Variants in PPM1G observed in about 807,000 individuals in gnomAD.
PPM1G encodes protein phosphatase 1G.
Under a neutral mutation model 59.4 loss-of-function variants are expected in PPM1G, and 12 were observed. That is an observed-to-expected ratio of 0.20 (90% CI 0.13 to 0.33). The LOEUF (loss-of-function observed/expected upper bound fraction) is 0.33, where lower values mean the gene tolerates loss of function less well. PPM1G is among the 10% of genes least tolerant of loss of function. The pLI is 1.00. For synonymous variants in PPM1G, 245 were observed against 251.9 expected (o/e 0.97, Z 0.26); for missense variants, 392 against 681.3 (o/e 0.58, Z 4.73).
chr2:27,390,034 C>CTTTT (rs34597229), intron 1 of PPM1G, among the ~76,000 whole-genome samples: 3 of 148,964 alleles, frequency 2.0e-5, no homozygotes, highest in Non-Finnish European at 4.5e-5. Context: ...ATCTTGTTTT[C>CTTTT]TTTTTTTTTT....
intron 1 of PPM1G, among the ~76,000 whole-genome samples, chr2:27,406,531 C>T (rs747079341): frequency 1.3e-5 from 2 of 152,120 alleles, no homozygotes; most frequent in Non-Finnish European, 2.9e-5. Context: ...GATTTTAATA[C>T]CCTAAGCAGT....
At chr2:27,399,771 A>G (rs1177939633) in intron 1 of PPM1G, among the ~76,000 whole-genome samples, 2 of 152,198 alleles carry the variant, frequency 1.3e-5, no homozygotes, top group African/African-American at 4.8e-5. Flanking sequence ...ATCCTCATAT[A>G]TTGCTGGCAG....
Position 27,382,263 on chromosome 2 carries a change from C to T in PPM1G, c.1332-35G>A, listed in dbSNP as rs779913334. The T allele has an allele frequency of 3.1e-6, 5 of 1,602,746 alleles. No individual in the cohort carries two copies. Among genetic ancestry groups the T allele is most frequent in the Non-Finnish European group, 4.3e-6 (5 of 1,169,836 alleles). On this transcript the variant is annotated intron_variant, in intron 8 of 9. Coordinates refer to ENST00000344034, the MANE Select transcript of PPM1G (RefSeq NM_177983.3). The surrounding 1 kb of genome is among the most constrained non-coding windows in gnomAD (Gnocchi z 4.2). ...AGAACAACAGTCAGAATCTTCCAGTCTCACTAAGGCAGCGTAGAGGAGTAT... is the reference window on the plus strand; with the variant it reads ...AGAACAACAGTCAGAATCTTCCAGTTTCACTAAGGCAGCGTAGAGGAGTAT...
intron 1 of PPM1G, among the ~76,000 whole-genome samples, chr2:27,398,918 G>T (rs765241757): frequency 4.6e-5 from 7 of 152,104 alleles, no homozygotes; most frequent in Non-Finnish European, 8.8e-5. Flanking sequence ...GCTGAGGCAG[G>T]CAGATCACCT....
Position 27,383,037 on chromosome 2 carries a change from T to C in PPM1G, c.1201+329A>G, listed in dbSNP as rs568828824. On this transcript the variant is annotated intron_variant, in intron 7 of 9. Transcript: ENST00000344034. The surrounding 1 kb of genome is among the most constrained non-coding windows in gnomAD (Gnocchi z 5.0). ...TTTTAGTAGAGATGGGGTTTCACCA[T>C]GTTGGCCAGGCTGGCCTCGAACTCC... 9.2e-4 allele frequency among the ~76,000 whole-genome samples: 140 copies of C among 151,912 alleles called. No homozygotes were observed. The highest frequency in any genetic ancestry group is 3.4e-3 in the African/African-American group (139 of 41,444).
At position 27,385,793 on chromosome 2, in the gene PPM1G, G is replaced by A; in HGVS notation, c.363C>T (p.Pro121=). 1 of 1,614,014 alleles carries A rather than the reference G, an allele frequency of 6.2e-7. No homozygotes were observed. Among genetic ancestry groups the A allele is most frequent in the Non-Finnish European group, 8.5e-7 (1 of 1,180,004 alleles). ...TTTCTTTTTCATCTTCATCCTCAGT[G>A]GGTCGCCCTGCAATCTGTGCCAGCT... The part of the protein sequence containing the change: ...IKELAQIAGR[P]TEDEDEKEKV... Residue 121 remains proline (P), a synonymous_variant, in exon 4 of 10, where the codon CCC becomes CCT. Coordinates refer to ENST00000344034, the MANE Select transcript of PPM1G (RefSeq NM_177983.3). This position sits in a 1 kb window ranked among gnomAD's most constrained non-coding sequence, Gnocchi z 4.1.
At chr2:27,393,513 C>A in intron 1 of PPM1G, 1 of 703,872 alleles carries the variant, frequency 1.4e-6, no homozygotes, top group East Asian at 2.7e-5. Context: ...GCAGGACGAG[C>A]GCCGGGTTCC....
At chr2:27,386,440 G>A in intron 2 of PPM1G, 161 bp from the exon 3 acceptor site, 3 of 491,374 alleles carry the variant, frequency 6.1e-6, no homozygotes, top group South Asian at 3.3e-5. Flanking sequence ...GGGAAGTTCT[G>A]ATCCAAAAAA....
At chr2:27,395,895 TAAC>T (rs1558320085) in intron 1 of PPM1G, among the ~76,000 whole-genome samples, 2 of 146,192 alleles carry the variant, frequency 1.4e-5, no homozygotes, top group African/African-American at 5.1e-5. Context: ...AAACAGATAA[TAAC>T]AACTGCTAGC....
At position 27,382,978 on chromosome 2, in the gene PPM1G, A is replaced by AC. The variant is rs1294072373; in HGVS notation, c.1202-374dup. ...GTAGCTGGGATTACAGGCTTGCACT[A>AC]CCATGCCCAGCTAATTTTTGTATTT... On this transcript the variant is annotated intron_variant, in intron 7 of 9. Transcript: ENST00000344034. The surrounding 1 kb of genome is among the most constrained non-coding windows in gnomAD (Gnocchi z 4.2). 6.6e-6 allele frequency among the ~76,000 whole-genome samples: 1 copy of AC among 150,834 alleles called. No homozygotes were observed. The highest frequency in any genetic ancestry group is 2.4e-5 in the African/African-American group (1 of 41,100).
In PPM1G at chr2:27,385,139, T is replaced by G; in HGVS notation, c.410-51A>C. On this transcript the variant is annotated intron_variant, in intron 4 of 9. Coordinates refer to ENST00000344034, the MANE Select transcript of PPM1G (RefSeq NM_177983.3). The surrounding 1 kb of genome is among the most constrained non-coding windows in gnomAD (Gnocchi z 4.1). ...CCCCCATGCCAGACTCCTCATGGGATCCGTCCCTCTCACTACCTCAACAGC... is the reference window on the plus strand; with the variant it reads ...CCCCCATGCCAGACTCCTCATGGGAGCCGTCCCTCTCACTACCTCAACAGC... 1 of 1,513,506 alleles carries G rather than the reference T, an allele frequency of 6.6e-7. No homozygotes were observed. Among genetic ancestry groups the G allele is most frequent in the Non-Finnish European group, 8.8e-7 (1 of 1,136,508 alleles). 93.8% of individuals were successfully genotyped at this position (1,513,506 alleles called of 1,614,324 possible).
chr2:27,391,884 G>A (rs1488383024), intron 1 of PPM1G, among the ~76,000 whole-genome samples: 4 of 151,374 alleles, frequency 2.6e-5, no homozygotes, highest in South Asian at 4.2e-4. Flanking sequence ...GGCACGCGCC[G>A]CCACGCCCAG....
At position 27,409,484 on chromosome 2, in the gene PPM1G, A is replaced by C. The variant is rs1427495193; in HGVS notation, c.-62T>G. 1.1e-5 allele frequency: 16 copies of C among 1,411,012 alleles called. No individual in the cohort carries two copies. Among genetic ancestry groups the C allele is most frequent in the Non-Finnish European group, 1.5e-5 (16 of 1,086,766 alleles). 87.4% of individuals were successfully genotyped at this position (1,411,012 alleles called of 1,614,324 possible). ...CTGGGCGCGACCCGTGCCGGAGCCG[A>C]AGCCCCGGGGGTGCGCGCGGCAGGA... On this transcript the variant is annotated 5_prime_UTR_variant, in exon 1 of 10. Coordinates refer to ENST00000344034, the MANE Select transcript of PPM1G (RefSeq NM_177983.3).
chr2:27,385,791 G>T lies in PPM1G; in HGVS notation c.365C>A (p.Thr122Asn). 6.2e-7 allele frequency: 1 copy of T among 1,614,022 alleles called. No homozygotes were observed. Among genetic ancestry groups the T allele is most frequent in the Non-Finnish European group, 8.5e-7 (1 of 1,180,004 alleles). Residue 122 changes from threonine to asparagine, a missense_variant, in exon 4 of 10, where the codon ACT becomes AAT. This residue lies in a region of PPM1G where 188 missense variants were observed against 248.8 expected (regional missense o/e 0.76). Transcript: ENST00000344034. The surrounding 1 kb of genome is among the most constrained non-coding windows in gnomAD (Gnocchi z 4.1). Reference sequence around the variant, plus strand: ...TTTTTCTTTTTCATCTTCATCCTCAGTGGGTCGCCCTGCAATCTGTGCCAG... The same window carrying T: ...TTTTTCTTTTTCATCTTCATCCTCATTGGGTCGCCCTGCAATCTGTGCCAG... ...KELAQIAGRP[T>N]EDEDEKEKVA...
rs1304441339 is a variant in PPM1G, at chr2:27,385,697, A to G, written c.409+50T>C. The G allele has an allele frequency of 1.5e-5, 24 of 1,585,444 alleles. No homozygotes were observed. The highest frequency in any genetic ancestry group is 2.0e-5 in the Non-Finnish European group (23 of 1,168,858). On this transcript the variant is annotated intron_variant, in intron 4 of 9. Coordinates refer to ENST00000344034, the MANE Select transcript of PPM1G (RefSeq NM_177983.3). This position sits in a 1 kb window ranked among gnomAD's most constrained non-coding sequence, Gnocchi z 4.1. ...TAGAATTGATAAGTAATATTAAAGA[A>G]TATTTCTTAAAATGCTGATTTCCCC...
chr2:27,404,939 G>A (rs1341009358), intron 1 of PPM1G, among the ~76,000 whole-genome samples: 5 of 131,354 alleles, frequency 3.8e-5, no homozygotes, highest in Non-Finnish European at 6.3e-5. Context: ...GCAAGACTCC[G>A]TCTCGGAGAA....
At chr2:27,387,560 G>T (rs1683798898) in intron 1 of PPM1G, among the ~76,000 whole-genome samples, 1 of 152,086 alleles carries the variant, frequency 6.6e-6, no homozygotes, top group African/African-American at 2.4e-5. Flanking sequence ...GAGTGCAGTG[G>T]CGCGATCTTG....
intron 1 of PPM1G, among the ~76,000 whole-genome samples, chr2:27,393,964 G>A (rs1016371471): frequency 1.3e-5 from 2 of 152,004 alleles, no homozygotes; most frequent in Non-Finnish European, 2.9e-5. Context: ...GGGTTTCACC[G>A]TGTTAGCCAG....
intron 1 of PPM1G, among the ~76,000 whole-genome samples, chr2:27,387,939 C>T (rs1683808679): frequency 6.6e-6 from 1 of 151,998 alleles, no homozygotes; most frequent in African/African-American, 2.4e-5. Context: ...GCTGGGACTA[C>T]AGGCACCCAC....
Sources: allele counts gnomAD v4.1 joint callset (sites outside exome capture counted in the v4.1 genomes callset), GRCh38; gene constraint gnomAD v4.1.1; regional missense constraint gnomAD v4.1.1; non-coding constraint Gnocchi (gnomAD v3.1); transcripts MANE v1.5; gene names NCBI Gene and HGNC (gene_info 2026-07-23, HGNC 2026-07-21).